Variants in SPAST observed in about 807,000 individuals in gnomAD.
SPAST encodes spastin.
A neutral mutation model predicts 76.6 loss-of-function variants in SPAST; 30 were observed. The ratio of observed to expected loss-of-function variants is 0.39; its 90% confidence interval spans 0.29 to 0.53. The LOEUF (loss-of-function observed/expected upper bound fraction) is 0.53. SPAST is among the 20% of genes least tolerant of loss of function. The probability of loss-of-function intolerance (pLI) is 0.68; values close to 1 mark genes in which losing one functional copy is unlikely to be tolerated. For missense variants in SPAST, 717 were observed against 770.5 expected (o/e 0.93, Z 0.82); for synonymous variants, 305 against 281.0 (o/e 1.09, Z -0.86).
chr2:32,093,081 C>A (rs1182989576), intron 3 of SPAST, among the ~76,000 whole-genome samples: 1 of 150,074 alleles, frequency 6.7e-6, no homozygotes, highest in South Asian at 2.1e-4. Context: ...GCGAGCAGAT[C>A]ACTTGAGGTC....
rs569948421 is a variant in SPAST at position 32,154,297 on chromosome 2, T to C, written c.1729-77T>C. 2.4e-6 allele frequency: 3 copies of C among 1,228,588 alleles called. 1 individual carries two copies. In the South Asian group the frequency reaches 3.7e-5, roughly 15 times the overall value. 76.1% of individuals were successfully genotyped at this position (1,228,588 alleles called of 1,614,324 possible). On this transcript the variant is annotated intron_variant, in intron 16 of 16. Coordinates refer to ENST00000315285, the MANE Select transcript of SPAST (RefSeq NM_014946.4). The stretch of plus-strand genomic sequence containing the variant: ...TAACATTAAGAAACAGCAGCATCAT[T>C]ACTTTAATCCATCATTTCGTTAACC...
At chr2:32,116,274 T>C (rs1357001148) in intron 7 of SPAST, 62 bp downstream of exon 7, 8 of 1,001,884 alleles carry the variant, frequency 8.0e-6, no homozygotes, top group South Asian at 1.3e-5. Flanking sequence ...ATAGTAGTAG[T>C]AGTAGTAAAG....
intron 1 of SPAST, chr2:32,077,702 T>C (rs1677020310): frequency 6.6e-6 from 1 of 152,216 alleles, no homozygotes; most frequent in Admixed American, 6.5e-5. Context: ...TGACCCTTCT[T>C]GTGGCAATCT....
chr2:32,149,256 A>ATTTTT (rs59020104), intron 16 of SPAST, among the ~76,000 whole-genome samples: 61,277 of 123,502 alleles, frequency 0.5, 16,329 homozygotes, highest in East Asian at 0.62. Flanking sequence ...CGCCCAGCTA[A>ATTTTT]TTTTTTTTTT....
Position 32,100,577 on chromosome 2 carries a change from A to G in SPAST, c.682+1686A>G, listed in dbSNP as rs556327992. 1.0e-3 allele frequency among the ~76,000 whole-genome samples: 156 copies of G among 152,190 alleles called. 1 individual carries two copies. The highest frequency in any genetic ancestry group is 8.1e-4 in the Non-Finnish European group (55 of 68,006). ...CCGCACCCATTAACTTGTCATTTAC[A>G]TTAGGTATATCTCCTAATGCTACCC... On this transcript the variant is annotated intron_variant, in intron 4 of 16. Transcript: ENST00000315285.
At chr2:32,131,505 G>A (rs1290950397) in intron 9 of SPAST, among the ~76,000 whole-genome samples, 3 of 152,080 alleles carry the variant, frequency 2.0e-5, no homozygotes, top group Non-Finnish European at 4.4e-5. Context: ...TATTTGTGGA[G>A]TAATCATAAT....
intron 16 of SPAST, among the ~76,000 whole-genome samples, chr2:32,154,072 CT>C (rs1680174540): frequency 6.6e-6 from 1 of 152,078 alleles, no homozygotes; most frequent in South Asian, 2.1e-4. Flanking sequence ...TATTTTTGAA[CT>C]TTTCTATAAA....
intron 1 of SPAST, among the ~76,000 whole-genome samples, chr2:32,066,532 G>C (rs909257261): frequency 6.6e-6 from 1 of 151,962 alleles, no homozygotes; most frequent in Non-Finnish European, 1.5e-5. Context: ...GCTGGGCATG[G>C]TGACACATGC....
intron 15 of SPAST, among the ~76,000 whole-genome samples, chr2:32,146,637 T>G (rs1679894799): frequency 6.6e-6 from 1 of 151,614 alleles, no homozygotes; most frequent in Non-Finnish European, 1.5e-5. Flanking sequence ...GAGGCCAAGA[T>G]GGGTGGATCA....
intron 1 of SPAST, among the ~76,000 whole-genome samples, chr2:32,080,188 A>T (rs1028501089): frequency 1.3e-5 from 2 of 152,086 alleles, no homozygotes; most frequent in African/African-American, 4.8e-5. Context: ...GATGCTCAGC[A>T]TTTTGTCATG....
In SPAST at chr2:32,116,157, A is replaced by G. The variant is rs1201365833; in HGVS notation, c.1043A>G (p.Asp348Gly). 5 of 1,613,532 alleles carry G rather than the reference A, an allele frequency of 3.1e-6. No homozygotes were observed. Among genetic ancestry groups the G allele is most frequent in the African/African-American group, 2.7e-5 (2 of 74,920 alleles). Residue 348 changes from aspartate to glycine, a missense_variant, in exon 7 of 17, where the codon GAC becomes GGC. Physicochemically the swap from Asp to Gly is moderately conservative, Grantham distance 94 (BLOSUM62 -1). Coordinates refer to ENST00000315285, the MANE Select transcript of SPAST (RefSeq NM_014946.4). ...AVKFDDIAGQ[D>G]LAKQALQEIV... ...AAATTTGATGATATAGCTGGTCAAG[A>G]CTTGGCAAAACAAGCATTGCAAGAA...
At chr2:32,137,438 A>C (rs1394467913) in intron 12 of SPAST, among the ~76,000 whole-genome samples, 2 of 152,204 alleles carry the variant, frequency 1.3e-5, no homozygotes, top group Non-Finnish European at 2.9e-5. Context: ...GGGTTGCATT[A>C]AATTATCTTT....
rs986360875 is a variant in SPAST, at chr2:32,075,799, C to G, written c.415+11553C>G. On this transcript the variant is annotated intron_variant, in intron 1 of 16. Transcript: ENST00000315285. The stretch of plus-strand genomic sequence containing the variant: ...GAACTCCTGAGCTCAAGTGATCCCC[C>G]CTCCTTGGCCTCCCAAAGTGCTGGG... Among the ~76,000 whole-genome samples the G allele has an allele frequency of 2.0e-5, 3 of 150,002 alleles. No homozygotes were observed. The South Asian group carries it at 6.3e-4, about 32-fold the overall frequency.
chr2:32,105,280 C>T (rs771036482), intron 4 of SPAST, among the ~76,000 whole-genome samples: 72 of 152,260 alleles, frequency 4.7e-4, no homozygotes, highest in Non-Finnish European at 8.5e-4. Context: ...ACGTAGTTTT[C>T]GTGCCATGGT....
intron 15 of SPAST, 78 bp from the exon 16 acceptor site, chr2:32,147,140 T>A: frequency 1.1e-6 from 1 of 885,362 alleles, no homozygotes; most frequent in Non-Finnish European, 1.9e-6. Flanking sequence ...TGTAGATCAT[T>A]GTACTTGGTT....
chr2:32,106,168 C>A (rs1328197566), intron 4 of SPAST, among the ~76,000 whole-genome samples: 1 of 152,182 alleles, frequency 6.6e-6, no homozygotes, highest in African/African-American at 2.4e-5. Flanking sequence ...TGGCAGATGC[C>A]CCCGCCTCCA....
Position 32,064,146 on chromosome 2 carries a change from G to T in SPAST, c.315G>T (p.Pro105=), listed in dbSNP as rs761254257. ...AAPAPASASA[P]APVPGGEAER... Reference sequence around the variant, plus strand: ...CAGCACCTGCCTCGGCCTCGGCCCCGGCGCCGGTGCCGGGCGGCGAGGCCG... The same window carrying T: ...CAGCACCTGCCTCGGCCTCGGCCCCTGCGCCGGTGCCGGGCGGCGAGGCCG... Residue 105 remains proline (P), a synonymous_variant, in exon 1 of 17, where the codon CCG becomes CCT. Transcript: ENST00000315285. 7 of 1,562,236 alleles carry T rather than the reference G, an allele frequency of 4.5e-6. No individual in the cohort carries two copies. The highest frequency in any genetic ancestry group is 1.2e-5 in the South Asian group (1 of 85,778).
chr2:32,076,908 T>C (rs1451152626), intron 1 of SPAST, among the ~76,000 whole-genome samples: 1 of 151,844 alleles, frequency 6.6e-6, no homozygotes, highest in East Asian at 1.9e-4. Context: ...CAGAGTCTCG[T>C]TGTGTCGCCC....
intron 7 of SPAST, among the ~76,000 whole-genome samples, chr2:32,123,538 A>G (rs1282657101): frequency 1.3e-5 from 2 of 152,214 alleles, no homozygotes; most frequent in African/African-American, 2.4e-5. Context: ...TAAAGTTTAT[A>G]TGAAAAGGCA....
Sources: allele counts gnomAD v4.1 joint callset (sites outside exome capture counted in the v4.1 genomes callset), GRCh38; gene constraint gnomAD v4.1.1; transcripts MANE v1.5; gene names NCBI Gene and HGNC (gene_info 2026-07-23, HGNC 2026-07-21).